The following CA8 variants were observed in gnomAD, a reference collection of about 807,000 sequenced individuals.
CA8 encodes carbonic anhydrase 8 (inactive), also known as carbonic anhydrase-related protein.
A neutral mutation model predicts 41.4 loss-of-function variants in CA8; 22 were observed. That is an observed-to-expected ratio of 0.53 (90% confidence interval 0.38 to 0.76). The LOEUF is 0.76. CA8 is among the 30% of genes least tolerant of loss of function. The pLI, the probability that CA8 is intolerant of heterozygous loss-of-function variation, is 0.00. For synonymous variants in CA8, 121 were observed against 130.6 expected (o/e 0.93, Z 0.50); for missense variants, 270 against 352.8 (o/e 0.77, Z 1.88).
intron 8 of CA8, among the ~76,000 whole-genome samples, chr8:60,206,871 C>G (rs1012828111): frequency 6.6e-6 from 1 of 152,074 alleles, no homozygotes; most frequent in East Asian, 1.9e-4. Context: ...GTATCTTCAG[C>G]CTCTCTCCAT....
chr8:60,279,926 T>G, intron 1 of CA8, 46 bp from the exon 2 acceptor site: 1 of 1,506,842 alleles, frequency 6.6e-7, no homozygotes, highest in Non-Finnish European at 9.0e-7. Context: ...AAAAATAAAT[T>G]ACAGTAAAAT....
rs55658750 is a variant in CA8, at chr8:60,226,591, T to C, written c.576+282A>G. Among the ~76,000 whole-genome samples, 23,017 of 152,168 alleles carry C rather than the reference T, an allele frequency of 0.15. 1,859 individuals are homozygous for C. Among genetic ancestry groups the C allele is most frequent in the South Asian group, 0.24 (1,132 of 4,816 alleles). On this transcript the variant is annotated intron_variant, in intron 5 of 8. Coordinates refer to ENST00000317995, the MANE Select transcript of CA8 (RefSeq NM_004056.6). ...TCCGTAGTTGTCAACACTTCACACA[T>C]GTTGTGACACATCATTGCTAGGAGA...
intron 7 of CA8, 72 bp from the exon 8 acceptor site, chr8:60,208,991 A>G: frequency 8.2e-6 from 12 of 1,455,416 alleles, no homozygotes; most frequent in South Asian, 2.3e-5. Context: ...TTCATAAATG[A>G]CATGCATAAA....
chr8:60,262,832 G>A (rs1803777234), intron 3 of CA8, among the ~76,000 whole-genome samples: 2 of 152,218 alleles, frequency 1.3e-5, no homozygotes, highest in African/African-American at 2.4e-5. Context: ...GGAAAGATGT[G>A]TGTTTCTGAA....
intron 8 of CA8, among the ~76,000 whole-genome samples, chr8:60,203,801 T>A (rs1484914983): frequency 6.6e-6 from 1 of 152,182 alleles, no homozygotes; most frequent in Non-Finnish European, 1.5e-5. Context: ...AGTTGGAGAC[T>A]TACTAACAAA....
intron 8 of CA8, among the ~76,000 whole-genome samples, chr8:60,190,957 T>TACACACAC (rs112367263): frequency 4.5e-4 from 47 of 103,998 alleles, no homozygotes; most frequent in African/African-American, 6.9e-4. Context: ...TATATATATA[T>TACACACAC]ACACACACAC....
At chr8:60,218,306 G>T (rs1006933434) in intron 7 of CA8, among the ~76,000 whole-genome samples, 2 of 146,484 alleles carry the variant, frequency 1.4e-5, no homozygotes, top group Non-Finnish European at 3.0e-5. Flanking sequence ...AAATGACTGG[G>T]TTTTTTTTTT....
rs571682352 is a variant in CA8 at position 60,265,578 on chromosome 8, C to T, written c.417+347G>A. Reference sequence around the variant, plus strand: ...TTCATTACTGTTGAGGTTTCTCCAACGGTTGCTTGTCTTCAGCTCGTCACC... The same window carrying T: ...TTCATTACTGTTGAGGTTTCTCCAATGGTTGCTTGTCTTCAGCTCGTCACC... On this transcript the variant is annotated intron_variant, in intron 3 of 8. Transcript: ENST00000317995. 64 of 283,118 alleles carry T rather than the reference C, an allele frequency of 2.3e-4. 1 individual carries two copies. Among genetic ancestry groups the T allele is most frequent in the African/African-American group, 2.0e-4 (9 of 44,784 alleles). The allele number at this position is 283,118 out of a possible 1,614,324, so 17.5% of individuals were successfully genotyped here.
At chr8:60,201,507 G>T (rs1399901861) in intron 8 of CA8, among the ~76,000 whole-genome samples, 15 of 152,104 alleles carry the variant, frequency 9.9e-5, no homozygotes, top group Non-Finnish European at 1.5e-5. Flanking sequence ...AAATAAGAAC[G>T]TGGCAAGAAG....
intron 2 of CA8, 24 bp from the exon 3 acceptor site, chr8:60,266,073 C>T (rs768734920): frequency 1.6e-5 from 25 of 1,610,340 alleles, no homozygotes; most frequent in Admixed American, 5.0e-5. Flanking sequence ...TATATGTTAC[C>T]GAATTACAGC....
intron 5 of CA8, among the ~76,000 whole-genome samples, chr8:60,225,862 G>A (rs951124116): frequency 5.9e-5 from 9 of 152,186 alleles, no homozygotes; most frequent in African/African-American, 2.4e-5. Flanking sequence ...GGTGGCTCAC[G>A]CCTGTAATCC....
intron 2 of CA8, among the ~76,000 whole-genome samples, chr8:60,266,882 T>C (rs1803915611): frequency 6.6e-6 from 1 of 152,200 alleles, no homozygotes; most frequent in African/African-American, 2.4e-5. Context: ...AAAAGTTGTT[T>C]AACTCAGGGC....
At chr8:60,195,584 G>C (rs185772318) in intron 8 of CA8, among the ~76,000 whole-genome samples, 37 of 152,290 alleles carry the variant, frequency 2.4e-4, no homozygotes, top group African/African-American at 8.7e-4. Context: ...CCTCTTCAGA[G>C]GGGGCTCTTT....
intron 2 of CA8, among the ~76,000 whole-genome samples, chr8:60,266,267 A>G (rs1029734418): frequency 2.0e-5 from 3 of 152,234 alleles, no homozygotes; most frequent in African/African-American, 7.2e-5. Context: ...CGGAAGTTCA[A>G]AACCTCTGAA....
At chr8:60,194,883 T>G (rs1186580272) in intron 8 of CA8, among the ~76,000 whole-genome samples, 2 of 152,242 alleles carry the variant, frequency 1.3e-5, no homozygotes, top group Non-Finnish European at 2.9e-5. Context: ...GTTATTTTAA[T>G]GCAGTCTGTG....
chr8:60,239,455 C>A (rs932727803), intron 3 of CA8, among the ~76,000 whole-genome samples: 2 of 152,108 alleles, frequency 1.3e-5, no homozygotes, highest in Non-Finnish European at 2.9e-5. Context: ...TCTTGGGCCA[C>A]ACAGAAAATA....
At chr8:60,232,136 A>T (rs1003766793) in intron 4 of CA8, 148 bp downstream of exon 4, 1 of 676,770 alleles carries the variant, frequency 1.5e-6, no homozygotes, top group East Asian at 2.7e-5. Context: ...GATAAACCAT[A>T]AGGATCAAGT....
chr8:60,218,498 A>T (rs1305188719), intron 7 of CA8, among the ~76,000 whole-genome samples: 1 of 152,192 alleles, frequency 6.6e-6, no homozygotes, highest in East Asian at 1.9e-4. Context: ...TCAGTCTCAA[A>T]GGAGCAATTT....
At chr8:60,278,968 C>A (rs904836550) in intron 2 of CA8, among the ~76,000 whole-genome samples, 7 of 152,140 alleles carry the variant, frequency 4.6e-5, no homozygotes, top group Non-Finnish European at 1.0e-4. Context: ...ATTAATGCTA[C>A]ATTTTTTAAA....
Sources: allele counts gnomAD v4.1 joint callset (sites outside exome capture counted in the v4.1 genomes callset), GRCh38; gene constraint gnomAD v4.1.1; transcripts MANE v1.5; gene names NCBI Gene and HGNC (gene_info 2026-07-23, HGNC 2026-07-21).